L3MBTL1: variants seen among roughly 807,000 people sequenced by gnomAD.
The protein encoded by L3MBTL1 is L3MBTL histone methyl-lysine binding protein 1, also known as lethal(3)malignant brain tumor-like protein 1.
Under a neutral mutation model 105.3 loss-of-function variants are expected in L3MBTL1, and 75 were observed. The ratio of observed to expected loss-of-function variants is 0.71; its 90% confidence interval spans 0.59 to 0.86. L3MBTL1 has a LOEUF of 0.86. L3MBTL1 is among the 40% of genes least tolerant of loss of function. L3MBTL1 has a pLI of 0.00. For synonymous variants in L3MBTL1, 452 were observed against 436.2 expected, an observed-to-expected ratio of 1.04 and a Z score of -0.45; for missense variants, 1,069 against 1,126.4, an observed-to-expected ratio of 0.95 and a Z score of 0.73.
At chr20:43,522,028 A>G (rs1366515691) in intron 7 of L3MBTL1, among the ~76,000 whole-genome samples, 1 of 152,214 alleles carries the variant, frequency 6.6e-6, no homozygotes, top group Non-Finnish European at 1.5e-5. Context: ...CAGTGTTGCC[A>G]CTTAACATTT....
chr20:43,540,132 C>T lies in L3MBTL1; in HGVS notation c.2174-19C>T. 1 of 1,609,372 alleles carries T rather than the reference C, an allele frequency of 6.2e-7. No homozygotes were observed. ...TAGTCATCCTCGTTGGCCTGCCAGC[C>T]TCTGCCTCTGCTTTCCAGCCCTCAC... is the stretch of plus-strand genomic sequence containing the variant. On this transcript the variant is annotated intron_variant, in intron 19 of 21. Coordinates refer to ENST00000418998, the MANE Select transcript of L3MBTL1 (RefSeq NM_001377303.1).
exon 19 of L3MBTL1, chr20:43,549,015 T>C (rs1367921915): frequency 6.6e-6 from 1 of 152,296 alleles, no homozygotes; most frequent in African/African-American, 2.4e-5. Flanking sequence ...GCCTGTTTTA[T>C]AGATGGCAGA....
At chr20:43,514,163 C>CCCA in intron 3 of L3MBTL1, 102 bp downstream of exon 3, 1 of 1,068,464 alleles carries the variant, frequency 9.4e-7, no homozygotes. Flanking sequence ...GGGAAGCTGG[C>CCCA]TCAGATGATG....
chr20:43,545,739 C>T (rs1978555119), downstream of L3MBTL1, among the ~76,000 whole-genome samples: 1 of 152,216 alleles, frequency 6.6e-6, no homozygotes, highest in African/African-American at 2.4e-5. Context: ...GTGTGTTTGG[C>T]TACTAGACTT....
chr20:43,536,049 C>T (rs750862515), intron 17 of L3MBTL1, 48 bp from the exon 18 acceptor site: 1 of 1,605,994 alleles, frequency 6.2e-7, no homozygotes, highest in African/African-American at 1.3e-5. Context: ...GAGGAGGGCT[C>T]AGCGGGGACC....
chr20:43,517,811 G>A (rs1262381091), intron 7 of L3MBTL1, among the ~76,000 whole-genome samples: 2 of 152,132 alleles, frequency 1.3e-5, no homozygotes, highest in Admixed American at 6.5e-5. Context: ...GTGCCAGCTG[G>A]AGGAGCCCAA....
At chr20:43,518,305 G>A (rs1283504769) in intron 7 of L3MBTL1, among the ~76,000 whole-genome samples, 1 of 152,126 alleles carries the variant, frequency 6.6e-6, no homozygotes, top group Non-Finnish European at 1.5e-5. Flanking sequence ...TTTCTTGTAT[G>A]TGGGAAGAAT....
rs369985814 is a variant in L3MBTL1, at chr20:43,540,324, C to T, written c.2331+16C>T. 1 of 1,609,536 alleles carries T rather than the reference C, an allele frequency of 6.2e-7. No individual in the cohort carries two copies. On this transcript the variant is annotated intron_variant, in intron 20 of 21. Coordinates refer to ENST00000418998, the MANE Select transcript of L3MBTL1 (RefSeq NM_001377303.1). Reference sequence around the variant, plus strand: ...CATCGATGAGGTGAGGAGCGAGGGCCCTTCTTTATCCTTCTCTTCCTCTCC... The same window carrying T: ...CATCGATGAGGTGAGGAGCGAGGGCTCTTCTTTATCCTTCTCTTCCTCTCC...
chr20:43,547,610 C>T (rs117283732), intron 18 of L3MBTL1, among the ~76,000 whole-genome samples: 4 of 152,102 alleles, frequency 2.6e-5, no homozygotes, highest in Admixed American at 2.6e-4. Context: ...CCCCTGCCCC[C>T]CTCTGCTTTT....
chr20:43,539,860 GA>G (rs2019817897), intron 19 of L3MBTL1: 1 of 515,826 alleles, frequency 1.9e-6, no homozygotes, highest in Non-Finnish European at 3.5e-6. Flanking sequence ...GCAGCTCCAA[GA>G]GAGTATCCTT....
chr20:43,532,782 C>G lies in L3MBTL1; in HGVS notation c.1294C>G (p.Pro432Ala), dbSNP rs200425443. The G allele has an allele frequency of 3.1e-6, 5 of 1,614,228 alleles. No individual in the cohort carries two copies. The South Asian group carries it at 5.5e-5, about 18-fold the overall frequency. Residue 432 changes from proline (P) to alanine (A), a missense_variant, in exon 12 of 22, where the codon CCC becomes GCC. Pro to Ala is a conservative substitution (Grantham distance 27). Transcript: ENST00000418998. Reference protein sequence around the residue: ...LFVSQSHSPPPLGFQVGMKLE... With the variant: ...LFVSQSHSPPALGFQVGMKLE... ...CCTTTTTTTCCCCTAGAGTCCCCCA[C>G]CCCTGGGCTTCCAGGTGGGCATGAA... is the stretch of plus-strand genomic sequence containing the variant.
In L3MBTL1 at chr20:43,509,373, C is replaced by T. The variant is rs188947572; in HGVS notation, c.-29+1629C>T. On this transcript the variant is annotated intron_variant, in intron 1 of 21. Transcript: ENST00000418998. ...CCCAGTAGCTGGGACCACAGGGGTG[C>T]ACCACCATGTTCAGCTAATTTTTAA... Among the ~76,000 whole-genome samples, 739 of 152,156 alleles carry T rather than the reference C, an allele frequency of 4.9e-3. 4 individuals carry two copies. Among genetic ancestry groups the T allele is most frequent in the African/African-American group, 0.017 (699 of 41,500 alleles).
chr20:43,529,886 T>C (rs6017102), intron 9 of L3MBTL1, among the ~76,000 whole-genome samples: 31,770 of 152,176 alleles, frequency 0.21, 3,641 homozygotes, highest in African/African-American at 0.29. Flanking sequence ...AACAGACTGC[T>C]ACCTTCAAGG....
intron 19 of L3MBTL1, chr20:43,539,134 A>AT (rs2145488141): frequency 6.6e-6 from 1 of 152,656 alleles, no homozygotes; most frequent in Admixed American, 6.5e-5. Flanking sequence ...AGCCAGGCTG[A>AT]AAGGCTGACA....
At chr20:43,507,810 T>C (rs1467980478) in intron 1 of L3MBTL1, 66 bp downstream of exon 1, 2 of 151,970 alleles carry the variant, frequency 1.3e-5, no homozygotes, top group African/African-American at 4.8e-5. Flanking sequence ...CCCCGCTCCG[T>C]CCAGGGCGGC....
Position 43,541,425 on chromosome 20 carries a change from G to A in L3MBTL1, c.*297G>A, listed in dbSNP as rs1413540307. On this transcript the variant is annotated 3_prime_UTR_variant, in exon 22 of 22. Coordinates refer to ENST00000418998, the MANE Select transcript of L3MBTL1 (RefSeq NM_001377303.1). ...CAGAGCCATTGTGAGCATTGGAAAT[G>A]ATGAATGAATCATACCAGAACGTCT... 4 of 366,808 alleles carry A rather than the reference G, an allele frequency of 1.1e-5. No individual in the cohort carries two copies. Among genetic ancestry groups the A allele is most frequent in the Non-Finnish European group, 2.0e-5 (4 of 199,972 alleles). 22.7% of individuals were successfully genotyped at this position (366,808 alleles called of 1,614,324 possible).
rs1338795244 is a variant in L3MBTL1, at chr20:43,515,074, C to T, written c.568C>T (p.Gln190Ter). The T allele has an allele frequency of 6.2e-6, 10 of 1,614,168 alleles. No homozygotes were observed. The highest frequency in any genetic ancestry group is 8.5e-6 in the Non-Finnish European group (10 of 1,179,990). ...QDPPEDDSTC[Q>*]CQACGPHQAA... ...CCCCCCAGAGGATGATAGCACCTGTCAGTGCCAGGCGTGCGGGCCTCACCA... is the reference window on the plus strand; with the variant it reads ...CCCCCCAGAGGATGATAGCACCTGTTAGTGCCAGGCGTGCGGGCCTCACCA... The change falls in exon 5 of 22, where the codon CAG becomes TAG. Residue 190 changes from glutamine to a stop codon, truncating the protein, a stop_gained. Coordinates refer to ENST00000418998, the MANE Select transcript of L3MBTL1 (RefSeq NM_001377303.1). LOFTEE classifies it high-confidence loss of function.
downstream of L3MBTL1, among the ~76,000 whole-genome samples, chr20:43,542,870 A>G (rs2019968450): frequency 6.6e-6 from 1 of 152,148 alleles, no homozygotes; most frequent in Non-Finnish European, 1.5e-5. Context: ...TAGTTTGTTT[A>G]TTGCTGACTG....
intron 1 of L3MBTL1, among the ~76,000 whole-genome samples, chr20:43,510,406 C>CTTTTTTTTTTTTTTT (rs11476429): frequency 3.1e-5 from 4 of 127,564 alleles, no homozygotes; most frequent in African/African-American, 5.8e-5. Context: ...TTCTTTCTTT[C>CTTTTTTTTTTTTTTT]TTTTTTTTTT....
Sources: allele counts gnomAD v4.1 joint callset (sites outside exome capture counted in the v4.1 genomes callset), GRCh38; gene constraint gnomAD v4.1.1; transcripts MANE v1.5; gene names NCBI Gene and HGNC (gene_info 2026-07-23, HGNC 2026-07-21).